Variants in MACROD2 observed in about 807,000 individuals in gnomAD.
MACROD2 encodes the protein mono-ADP ribosylhydrolase 2.
MACROD2 carries 36 observed loss-of-function variants against 70.4 expected under a neutral mutation model. That is an observed-to-expected ratio of 0.51 (90% CI 0.39 to 0.68). MACROD2 has a LOEUF of 0.68. MACROD2 is among the 30% of genes least tolerant of loss of function. The probability of loss-of-function intolerance (pLI) is 0.00; values close to 1 mark genes in which losing one functional copy is unlikely to be tolerated. For synonymous variants in MACROD2, 172 were observed against 178.8 expected (o/e 0.96, Z 0.30); for missense variants, 496 against 538.4 (o/e 0.92, Z 0.78).
chr20:15,677,237 C>G (rs971402268), intron 8 of MACROD2, among the ~76,000 whole-genome samples: 1 of 152,042 alleles, frequency 6.6e-6, no homozygotes, highest in African/African-American at 2.4e-5. Context: ...AATTTTTATC[C>G]TAGATAAGCA....
chr20:14,594,477 A>G (rs1000788487), intron 4 of MACROD2, among the ~76,000 whole-genome samples: 1 of 152,234 alleles, frequency 6.6e-6, no homozygotes, highest in East Asian at 1.9e-4. Flanking sequence ...ATCTGCAAAT[A>G]TGTGGTGTCC....
intron 3 of MACROD2, among the ~76,000 whole-genome samples, chr20:14,260,022 A>G (rs2082089481): frequency 6.6e-6 from 1 of 152,222 alleles, no homozygotes; most frequent in Admixed American, 6.5e-5. Flanking sequence ...CATGAAAGAT[A>G]GTGTGTCATT....
intron 6 of MACROD2, among the ~76,000 whole-genome samples, chr20:15,413,143 A>G (rs2046100735): frequency 6.6e-6 from 1 of 152,172 alleles, no homozygotes; most frequent in Admixed American, 6.5e-5. Flanking sequence ...CCACCATCAC[A>G]TCAACATAAT....
chr20:15,285,595 A>T (rs2077483959), intron 6 of MACROD2, among the ~76,000 whole-genome samples: 1 of 152,190 alleles, frequency 6.6e-6, no homozygotes, highest in African/African-American at 2.4e-5. Context: ...TTAATTATAG[A>T]TTCTAACTAC....
intron 15 of MACROD2, among the ~76,000 whole-genome samples, chr20:15,990,085 GA>G (rs2066537925): frequency 6.6e-6 from 1 of 152,080 alleles, no homozygotes. Context: ...ATGTCCCTGG[GA>G]GACCTGAAAT....
intron 8 of MACROD2, 50 bp from the exon 9 acceptor site, chr20:15,862,695 G>T: frequency 6.8e-7 from 1 of 1,460,938 alleles, no homozygotes. Context: ...TCCTGGCAGG[G>T]CAATTGCCAT....
chr20:15,249,469 C>T (rs1357594992), intron 6 of MACROD2, among the ~76,000 whole-genome samples: 1 of 152,204 alleles, frequency 6.6e-6, no homozygotes, highest in Non-Finnish European at 1.5e-5. Context: ...TACACTCCTT[C>T]CCTCTGATTA....
chr20:15,470,369 A>G (rs1196711813), intron 7 of MACROD2, among the ~76,000 whole-genome samples: 1 of 152,132 alleles, frequency 6.6e-6, no homozygotes, highest in Non-Finnish European at 1.5e-5. Flanking sequence ...AATTTTGAAT[A>G]AACTTCCCTT....
chr20:14,504,168 T>C (rs1299147774), intron 4 of MACROD2, among the ~76,000 whole-genome samples: 1 of 152,206 alleles, frequency 6.6e-6, no homozygotes, highest in Non-Finnish European at 1.5e-5. Context: ...ATTTGACATA[T>C]AATAGGCACC....
intron 3 of MACROD2, among the ~76,000 whole-genome samples, chr20:14,351,826 G>A (rs2083125635): frequency 6.6e-6 from 1 of 152,086 alleles, no homozygotes; most frequent in South Asian, 2.1e-4. Context: ...GATCTAAAAG[G>A]AAAGGCTTTC....
intron 3 of MACROD2, among the ~76,000 whole-genome samples, chr20:14,249,900 C>CG (rs1267100405): frequency 6.6e-6 from 1 of 151,860 alleles, no homozygotes; most frequent in Non-Finnish European, 1.5e-5. Flanking sequence ...CACCCAGACA[C>CG]GGGGGTGGGG....
intron 3 of MACROD2, among the ~76,000 whole-genome samples, chr20:14,178,346 AAAT>A (rs1198917942): frequency 1.3e-5 from 2 of 152,060 alleles, no homozygotes; most frequent in Admixed American, 6.5e-5. Flanking sequence ...ACCAATTAAA[AAAT>A]AATAATTTTT....
At chr20:15,421,613 AT>A (rs201100154) in intron 6 of MACROD2, among the ~76,000 whole-genome samples, 2,341 of 152,292 alleles carry the variant, frequency 0.015, 57 homozygotes, top group African/African-American at 0.052. Context: ...ATAAAAACCA[AT>A]GTAAGCTCCA....
chr20:14,959,297 A>G (rs1462518949), intron 5 of MACROD2, among the ~76,000 whole-genome samples: 1 of 151,928 alleles, frequency 6.6e-6, no homozygotes, highest in Non-Finnish European at 1.5e-5. Flanking sequence ...ATGCCTGGCC[A>G]ATTTTGTATT....
intron 5 of MACROD2, among the ~76,000 whole-genome samples, chr20:15,140,957 A>C (rs1281162494): frequency 6.6e-6 from 1 of 152,238 alleles, no homozygotes; most frequent in East Asian, 1.9e-4. Context: ...ATTTGTGTCC[A>C]TGTAAATCAC....
chr20:15,561,557 G>T lies in MACROD2; in HGVS notation c.645+61710G>T, dbSNP rs537260623. Among the ~76,000 whole-genome samples the T allele has an allele frequency of 1.7e-3, 264 of 152,218 alleles. 1 individual carries two copies. The highest frequency in any genetic ancestry group is 4.1e-4 in the Non-Finnish European group (28 of 68,006). On this transcript the variant is annotated intron_variant, in intron 8 of 17. Coordinates refer to ENST00000684519, the MANE Select transcript of MACROD2 (RefSeq NM_001351661.2). ...GCTACCTAAAACCAGTATGTTTGGG[G>T]CCTCATCTGCCTTCAGTAGGGTATT...
At chr20:14,170,867 A>T (rs932157128) in intron 3 of MACROD2, among the ~76,000 whole-genome samples, 3 of 152,162 alleles carry the variant, frequency 2.0e-5, no homozygotes, top group African/African-American at 7.2e-5. Context: ...TCATAGAATG[A>T]TTTAGGGAGG....
At chr20:15,591,586 TAAAAAAAAAAAA>T (rs11471295) in intron 8 of MACROD2, among the ~76,000 whole-genome samples, 6 of 65,112 alleles carry the variant, frequency 9.2e-5, no homozygotes, top group African/African-American at 1.4e-4. Context: ...AAGCCAGTAC[TAAAAAAAAAAAA>T]AAAAAAAAAA....
intron 5 of MACROD2, among the ~76,000 whole-genome samples, chr20:15,043,940 CCTT>C (rs2075373861): frequency 6.6e-6 from 1 of 152,194 alleles, no homozygotes; most frequent in Non-Finnish European, 1.5e-5. Flanking sequence ...AGCTTCCAAA[CCTT>C]CTCTGGGAGC....
Sources: gnomAD v4.1 joint callset for allele counts (sites outside exome capture counted in the v4.1 genomes callset) on GRCh38, gnomAD v4.1.1 for gene constraint, MANE v1.5 for transcripts, NCBI Gene and HGNC (gene_info 2026-07-23, HGNC 2026-07-21) for gene names.